The following MGAM variants were observed in gnomAD, a reference collection of about 807,000 sequenced individuals.
MGAM encodes maltase-glucoamylase, also known as alpha-1,4-glucosidase.
MGAM carries 253 observed loss-of-function variants against 358.8 expected under a neutral mutation model. The ratio of observed to expected loss-of-function variants is 0.71; its 90% CI spans 0.64 to 0.78. The LOEUF is 0.78. MGAM is among the 30% of genes least tolerant of loss of function. The pLI, the probability that MGAM is intolerant of heterozygous loss-of-function variation, is 0.00. For missense variants in MGAM, 3,080 were observed against 3,432.6 expected, an observed-to-expected ratio of 0.90 and a Z score of 2.57; for synonymous variants, 1,105 against 1,227.1, an observed-to-expected ratio of 0.90 and a Z score of 2.08.
At chr7:142,034,136 G>A (rs1198759560) in intron 14 of MGAM, 126 bp from the exon 15 acceptor site, 2 of 639,732 alleles carry the variant, frequency 3.1e-6, no homozygotes, top group Non-Finnish European at 5.7e-6. Context: ...TAAGGGAGCA[G>A]TGTGACTGTT....
At chr7:142,100,752 G>A (rs1816371272) in intron 67 of MGAM, 50 bp from the exon 68 acceptor site, 1 of 1,503,916 alleles carries the variant, frequency 6.6e-7, no homozygotes. Context: ...GTCTTGGTTT[G>A]TGGCTGTGGC....
At chr7:142,066,435 A>G in intron 40 of MGAM, 138 bp from the exon 41 acceptor site, 2 of 1,048,116 alleles carry the variant, frequency 1.9e-6, no homozygotes, top group African/African-American at 1.6e-5. Context: ...TCTATTAAGA[A>G]TATTCTCTGG....
chr7:142,088,830 T>TACC (rs1563214580), intron 57 of MGAM, among the ~76,000 whole-genome samples: 1 of 99,992 alleles, frequency 1.0e-5, no homozygotes, highest in Non-Finnish European at 2.5e-5. Flanking sequence ...ACCATCTATC[T>TACC]ATCTATCTAT....
intron 30 of MGAM, among the ~76,000 whole-genome samples, chr7:142,057,519 G>T (rs907530425): frequency 1.2e-4 from 18 of 146,796 alleles, no homozygotes; most frequent in Non-Finnish European, 2.6e-4. Context: ...AGTGGTGATG[G>T]TGGGGATGGT....
At chr7:142,085,689 G>A (rs1238163979) in intron 54 of MGAM, 144 bp from the exon 55 acceptor site, 2 of 1,170,452 alleles carry the variant, frequency 1.7e-6, no homozygotes, top group Admixed American at 2.8e-5. Context: ...CCCAGCACCT[G>A]TACCTAACAA....
rs1265276057 is a variant in MGAM, at chr7:142,091,107, T to G, written c.6811-806T>G. On this transcript the variant is annotated intron_variant, in intron 57 of 70. Coordinates refer to ENST00000475668, the MANE Select transcript of MGAM (RefSeq NM_001365693.1). ...ACTAGAAATACAAAAATTAGCCAGG[T>G]GTAGTGGTGTGTGCCTGTAATCCCA... is the stretch of plus-strand genomic sequence containing the variant. 4.9e-5 allele frequency among the ~76,000 whole-genome samples: 7 copies of G among 143,914 alleles called. 2 individuals are homozygous for G. The Middle Eastern group carries it at 0.011, about 223-fold the overall frequency. 94.4% of individuals were successfully genotyped at this position (143,914 alleles called of 152,430 possible).
intron 12 of MGAM, 139 bp downstream of exon 12, chr7:142,030,896 TCTC>T (rs1372645282): frequency 3.1e-6 from 2 of 650,082 alleles, no homozygotes; most frequent in African/African-American, 1.8e-5. Context: ...GGGGATAAAT[TCTC>T]CTCTGCCCTT....
Position 142,084,415 on chromosome 7 carries a change from T to G in MGAM, c.6382-104T>G, listed in dbSNP as rs189465247. ...AGTTTTGATGTGGAATTCAATTAGT[T>G]AGTTGTCTAGCTTGGGGCACAGAAA... On this transcript the variant is annotated intron_variant, in intron 53 of 70. Transcript: ENST00000475668. 7 of 1,282,070 alleles carry G rather than the reference T, an allele frequency of 5.5e-6. No homozygotes were observed. The African/African-American group carries it at 9.8e-5, about 18-fold the overall frequency. The allele number at this position is 1,282,070 out of a possible 1,614,324, so 79.4% of individuals were successfully genotyped here. A position where few individuals can be genotyped will look rare whatever the true frequency, so the allele number is the denominator to read the frequency against.
chr7:142,055,617 G>T lies in MGAM; in HGVS notation c.3374G>T (p.Arg1125Leu). The change falls in exon 28 of 71, where the codon CGC (arginine) becomes CTC (leucine). Residue 1125 changes from arginine to leucine, a missense_variant. By Grantham distance (102) the Arg-to-Leu change is moderately radical (BLOSUM62 -2). Coordinates refer to ENST00000475668, the MANE Select transcript of MGAM (RefSeq NM_001365693.1). ...FSDMFIRIST[R>L]LPSKYLYGFG... ...GACATGTTTATCCGCATCTCCACCC[G>T]CCTTCCCTCCAAGTACCTCTATGGC... The T allele has an allele frequency of 6.2e-7, 1 of 1,613,850 alleles. No homozygotes were observed. Among genetic ancestry groups the T allele is most frequent in the Non-Finnish European group, 8.5e-7 (1 of 1,179,860 alleles).
chr7:142,059,321 A>C (rs1811863667), intron 31 of MGAM, 151 bp from the exon 32 acceptor site: 1 of 1,346,888 alleles, frequency 7.4e-7, no homozygotes, highest in Non-Finnish European at 9.9e-7. Context: ...TGTATTTCCC[A>C]GCACCTGTAC....
Position 142,056,944 on chromosome 7 carries a change from T to G in MGAM, c.3693+2T>G, listed in dbSNP as rs776108491. 1 of 1,613,312 alleles carries G rather than the reference T, an allele frequency of 6.2e-7. No individual in the cohort carries two copies. The highest frequency in any genetic ancestry group is 8.5e-7 in the Non-Finnish European group (1 of 1,179,480). On this transcript the variant is annotated splice_donor_variant, in intron 30 of 70. Coordinates refer to ENST00000475668, the MANE Select transcript of MGAM (RefSeq NM_001365693.1). LOFTEE classifies it high-confidence loss of function. ...CTTGTCACCCAGCAGTACACTGAGG[T>G]AGGGGGAAATCCAATTGTTTATCAA...
rs137951800 is a variant in MGAM, at chr7:142,077,661, T to C, written c.5494-657T>C. The stretch of plus-strand genomic sequence containing the variant: ...CCTCTCAATTTTGCTGTTGCCAAAA[T>C]TGAAATTCAAAGAAATGAATTAGAA... On this transcript the variant is annotated intron_variant, in intron 47 of 70. Transcript: ENST00000475668. Among the ~76,000 whole-genome samples the C allele has an allele frequency of 2.7e-3, 394 of 145,586 alleles. 20 individuals carry two copies. Among genetic ancestry groups the C allele is most frequent in the African/African-American group, 9.0e-3 (372 of 41,130 alleles).
At chr7:142,014,546 A>G (rs1554455388) in intron 3 of MGAM, among the ~76,000 whole-genome samples, 1 of 152,110 alleles carries the variant, frequency 6.6e-6, no homozygotes, top group Admixed American at 6.6e-5. Flanking sequence ...CAGCTTAAGA[A>G]ATAAAATATT....
chr7:142,060,777 T>G (rs149535804), intron 34 of MGAM, among the ~76,000 whole-genome samples: 308 of 152,276 alleles, frequency 2.0e-3, no homozygotes, highest in African/African-American at 7.0e-3. Flanking sequence ...TTAAACAGTC[T>G]TCAACCCTCG....
At chr7:142,085,143 G>C (rs1814639443) in intron 54 of MGAM, among the ~76,000 whole-genome samples, 1 of 146,638 alleles carries the variant, frequency 6.8e-6, no homozygotes, top group African/African-American at 2.4e-5. Context: ...ATGGGTTCCA[G>C]AGGATGTACA....
intron 17 of MGAM, 50 bp downstream of exon 17, chr7:142,036,335 C>G (rs1807993953): frequency 7.4e-7 from 1 of 1,355,464 alleles, no homozygotes; most frequent in Non-Finnish European, 1.0e-6. Flanking sequence ...TACATTAGGA[C>G]TAGATCTGTC....
At chr7:142,023,897 G>T (rs1192852768) in intron 7 of MGAM, among the ~76,000 whole-genome samples, 1 of 152,166 alleles carries the variant, frequency 6.6e-6, no homozygotes, top group East Asian at 1.9e-4. Context: ...CACCCTCTGA[G>T]AGAGGTGGGC....
At chr7:142,050,669 T>C (rs535835145) in intron 23 of MGAM, 28 bp from the exon 24 acceptor site, 19 of 1,600,474 alleles carry the variant, frequency 1.2e-5, no homozygotes, top group African/African-American at 9.4e-5. Context: ...TATACCTTTA[T>C]GCATACTTGG....
At chr7:142,043,021 A>T (rs1458774500) in intron 21 of MGAM, among the ~76,000 whole-genome samples, 3 of 97,238 alleles carry the variant, frequency 3.1e-5, no homozygotes, top group African/African-American at 1.4e-4. Context: ...AATATATATA[A>T]AATATAAACA....
Sources: allele counts gnomAD v4.1 joint callset (sites outside exome capture counted in the v4.1 genomes callset), GRCh38; gene constraint gnomAD v4.1.1; transcripts MANE v1.5; gene names NCBI Gene and HGNC (gene_info 2026-07-23, HGNC 2026-07-21).